The following CDH13 variants were observed in gnomAD, a reference collection of about 807,000 sequenced individuals.
The protein encoded by CDH13 is cadherin 13, also known as cadherin-13.
A neutral mutation model predicts 63.8 loss-of-function variants in CDH13; 24 were observed. The observed-to-expected ratio is 0.38, with a 90% CI of 0.27 to 0.53. The LOEUF (loss-of-function observed/expected upper bound fraction) is 0.53, where lower values mean the gene tolerates loss of function less well. CDH13 is among the 20% of genes least tolerant of loss of function. The probability of loss-of-function intolerance (pLI) is 0.85; values close to 1 mark genes in which losing one functional copy is unlikely to be tolerated. For missense variants in CDH13, 1,049 were observed against 903.1 expected (o/e 1.16, Z -2.07); for synonymous variants, 503 against 355.3 (o/e 1.42, Z -4.67).
rs549667985 is a variant in CDH13 at position 83,245,676 on chromosome 16, A to T, written c.636+28179A>T. Among the ~76,000 whole-genome samples, 4 of 152,344 alleles carry T rather than the reference A, an allele frequency of 2.6e-5. No homozygotes were observed. In the East Asian group the frequency reaches 7.7e-4, roughly 29 times the overall value. ...ACATAAGGTTAGAGCTTAAGCTTTG[A>T]AAAGTAATTTAAATTTGTTTTCAGC... On this transcript the variant is annotated intron_variant, in intron 5 of 13. Coordinates refer to ENST00000567109, the MANE Select transcript of CDH13 (RefSeq NM_001257.5).
intron 1 of CDH13, among the ~76,000 whole-genome samples, chr16:82,774,180 A>G (rs114815720): frequency 1.1e-3 from 166 of 152,314 alleles, no homozygotes; most frequent in African/African-American, 3.8e-3. Flanking sequence ...AGGCTACATC[A>G]TAGTGGTTAA....
intron 7 of CDH13, among the ~76,000 whole-genome samples, chr16:83,540,384 A>G (rs571089009): frequency 8.5e-5 from 13 of 152,188 alleles, no homozygotes; most frequent in Non-Finnish European, 1.8e-4. Flanking sequence ...GATTAGGTAC[A>G]TCTGAAGCCT....
At chr16:83,273,717 T>G (rs2088896109) in intron 5 of CDH13, among the ~76,000 whole-genome samples, 1 of 152,220 alleles carries the variant, frequency 6.6e-6, no homozygotes, top group Non-Finnish European at 1.5e-5. Context: ...AACTACTGTT[T>G]GTTGATCTCT....
intron 1 of CDH13, among the ~76,000 whole-genome samples, chr16:82,781,249 T>C (rs893914178): frequency 5.9e-4 from 90 of 152,324 alleles, no homozygotes; most frequent in African/African-American, 1.8e-3. Context: ...ATTATACCAA[T>C]TGGCCTATAG....
intron 6 of CDH13, among the ~76,000 whole-genome samples, chr16:83,374,293 A>T (rs1045424500): frequency 6.6e-6 from 1 of 152,216 alleles, no homozygotes; most frequent in African/African-American, 2.4e-5. Context: ...CATCCATTTA[A>T]CTATTGTAAA....
intron 3 of CDH13, among the ~76,000 whole-genome samples, chr16:83,052,085 C>G (rs2030403651): frequency 6.6e-6 from 1 of 152,144 alleles, no homozygotes; most frequent in South Asian, 2.1e-4. Context: ...AAGCAGCTAA[C>G]TATATCATGC....
At chr16:83,184,159 AGT>A (rs1356810599) in intron 4 of CDH13, among the ~76,000 whole-genome samples, 3 of 150,220 alleles carry the variant, frequency 2.0e-5, no homozygotes, top group African/African-American at 7.4e-5. Flanking sequence ...AAAAAAAAAA[AGT>A]CAGAACAATG....
In CDH13 at chr16:83,130,544, A is replaced by C. The variant is rs370868119; in HGVS notation, c.483+5043A>C. Among the ~76,000 whole-genome samples, 6 of 152,238 alleles carry C rather than the reference A, an allele frequency of 3.9e-5. No individual in the cohort carries two copies. In the East Asian group the frequency reaches 7.7e-4, roughly 20 times the overall value. On this transcript the variant is annotated intron_variant, in intron 4 of 13. Transcript: ENST00000567109. The stretch of plus-strand genomic sequence containing the variant: ...TTGGATCAATAGATCGATATCTGAT[A>C]TGTGATAAAGGAAGTATATTAAAAT...
intron 2 of CDH13, among the ~76,000 whole-genome samples, chr16:82,989,075 C>G (rs919367190): frequency 3.9e-5 from 6 of 152,056 alleles, no homozygotes; most frequent in African/African-American, 1.2e-4. Context: ...TAGGGTAAGG[C>G]CTGCACTTAC....
chr16:83,172,002 G>A (rs1041448918), intron 4 of CDH13, among the ~76,000 whole-genome samples: 6 of 152,102 alleles, frequency 3.9e-5, no homozygotes, highest in Non-Finnish European at 5.9e-5. Flanking sequence ...GTTGAAACAT[G>A]CTCTACCAAA....
chr16:83,455,630 C>T (rs375061624), intron 6 of CDH13, among the ~76,000 whole-genome samples: 48 of 152,222 alleles, frequency 3.2e-4, no homozygotes, highest in Non-Finnish European at 4.7e-4. Context: ...TTCTGGTATC[C>T]GTCAATCCCT....
chr16:83,438,039 TC>T (rs1199838651), intron 6 of CDH13, among the ~76,000 whole-genome samples: 9 of 151,980 alleles, frequency 5.9e-5, no homozygotes, highest in Non-Finnish European at 1.0e-4. Context: ...GTCTCCCTAC[TC>T]TCCCCTGTGC....
At chr16:83,167,868 C>G (rs543975932) in intron 4 of CDH13, among the ~76,000 whole-genome samples, 2 of 151,842 alleles carry the variant, frequency 1.3e-5, no homozygotes, top group Non-Finnish European at 2.9e-5. Flanking sequence ...TACCATGCAG[C>G]CATAAAAAAA....
chr16:82,909,360 T>C (rs1377872702), intron 2 of CDH13, among the ~76,000 whole-genome samples: 3 of 151,936 alleles, frequency 2.0e-5, no homozygotes, highest in African/African-American at 7.3e-5. Flanking sequence ...GTAAATAAAA[T>C]GTGTGCGTTA....
intron 4 of CDH13, among the ~76,000 whole-genome samples, chr16:83,165,232 A>T (rs1012575753): frequency 6.6e-6 from 1 of 152,112 alleles, no homozygotes; most frequent in Non-Finnish European, 1.5e-5. Context: ...AGTAGAGTAT[A>T]CCCCTACAAC....
In CDH13 at chr16:82,639,603, A is replaced by G. The variant is rs373915318; in HGVS notation, c.45+12466A>G. On this transcript the variant is annotated intron_variant, in intron 1 of 13. Transcript: ENST00000567109. ...TCCCCAAACAAAAAGAAAACAAGAAATATACAGTCTGTAGCTATATAGAGA... is the reference window on the plus strand; with the variant it reads ...TCCCCAAACAAAAAGAAAACAAGAAGTATACAGTCTGTAGCTATATAGAGA... 9.4e-5 allele frequency: 60 copies of G among 640,476 alleles called. No individual in the cohort carries two copies. In the East Asian group the frequency reaches 1.2e-3, roughly 13 times the overall value. 39.7% of individuals were successfully genotyped at this position (640,476 alleles called of 1,614,324 possible). A position where few individuals can be genotyped will look rare whatever the true frequency, so the allele number is the denominator to read the frequency against.
chr16:83,339,887 G>C (rs1263860319), intron 5 of CDH13, among the ~76,000 whole-genome samples: 1 of 152,162 alleles, frequency 6.6e-6, no homozygotes, highest in East Asian at 1.9e-4. Flanking sequence ...CACTTCCCTG[G>C]ATGATCCATA....
intron 1 of CDH13, among the ~76,000 whole-genome samples, chr16:82,784,249 C>G (rs1459545100): frequency 6.6e-6 from 1 of 152,194 alleles, no homozygotes; most frequent in South Asian, 2.1e-4. Flanking sequence ...ATCTGGTCTT[C>G]AAAGTGACCT....
At chr16:83,332,518 G>A (rs568101485) in intron 5 of CDH13, among the ~76,000 whole-genome samples, 1 of 152,118 alleles carries the variant, frequency 6.6e-6, no homozygotes, top group Admixed American at 6.5e-5. Context: ...TTTCACATTA[G>A]GAAAGGAAAA....
Sources: allele counts gnomAD v4.1 joint callset (sites outside exome capture counted in the v4.1 genomes callset), GRCh38; gene constraint gnomAD v4.1.1; transcripts MANE v1.5; gene names NCBI Gene and HGNC (gene_info 2026-07-23, HGNC 2026-07-21).